MTUS2: variants seen among roughly 807,000 people sequenced by gnomAD.
The protein encoded by MTUS2 is microtubule-associated tumor suppressor candidate 2.
A neutral mutation model predicts 114.1 loss-of-function variants in MTUS2; 40 were observed. The ratio of observed to expected loss-of-function variants is 0.35; its 90% confidence interval spans 0.27 to 0.46. The LOEUF is 0.46. Among genes scored for constraint, MTUS2 ranks in the 20% least tolerant of loss-of-function variants. The pLI is 1.00. For missense variants in MTUS2, 1,679 were observed against 1,705.4 expected, an observed-to-expected ratio of 0.98 and a Z score of 0.27; for synonymous variants, 688 against 672.0, an observed-to-expected ratio of 1.02 and a Z score of -0.37.
chr13:28,995,817 A>G (rs1885075241), intron 2 of MTUS2, among the ~76,000 whole-genome samples: 1 of 152,218 alleles, frequency 6.6e-6, no homozygotes, highest in African/African-American at 2.4e-5. Flanking sequence ...GGCGTTTTCT[A>G]GGTATACAAT....
At chr13:28,942,241 A>T (rs990541840) in intron 2 of MTUS2, among the ~76,000 whole-genome samples, 1 of 152,220 alleles carries the variant, frequency 6.6e-6, no homozygotes, top group African/African-American at 2.4e-5. Flanking sequence ...GCTCAACCTC[A>T]TTAGTCATCA....
At chr13:29,012,763 A>C (rs939379710) in intron 2 of MTUS2, among the ~76,000 whole-genome samples, 1 of 151,930 alleles carries the variant, frequency 6.6e-6, no homozygotes. Context: ...AGTCCCAGCT[A>C]CTCGGGAGGC....
At chr13:29,365,727 G>A (rs7333374) in intron 8 of MTUS2, among the ~76,000 whole-genome samples, 113,726 of 151,968 alleles carry the variant, frequency 0.75, 42,726 homozygotes, top group East Asian at 0.83. Context: ...TGTAGCCAGA[G>A]AGGCCACAGA....
At chr13:28,996,534 T>C (rs1047344745) in intron 2 of MTUS2, among the ~76,000 whole-genome samples, 1 of 152,112 alleles carries the variant, frequency 6.6e-6, no homozygotes, top group Non-Finnish European at 1.5e-5. Flanking sequence ...GTCCTGGACT[T>C]TTTTTGGTTG....
At chr13:29,161,680 T>G (rs1276910955) in intron 5 of MTUS2, among the ~76,000 whole-genome samples, 1 of 152,236 alleles carries the variant, frequency 6.6e-6, no homozygotes, top group African/African-American at 2.4e-5. Context: ...TAATTCACTT[T>G]AATTAGGATT....
intron 5 of MTUS2, among the ~76,000 whole-genome samples, chr13:29,144,614 T>A (rs1892356654): frequency 6.6e-6 from 1 of 152,160 alleles, no homozygotes; most frequent in Non-Finnish European, 1.5e-5. Context: ...GTTTTTTGCT[T>A]GCTGTCATCT....
chr13:29,461,256 C>T (rs1879471901), intron 9 of MTUS2, among the ~76,000 whole-genome samples: 1 of 152,154 alleles, frequency 6.6e-6, no homozygotes, highest in Non-Finnish European at 1.5e-5. Flanking sequence ...TGATAACCCT[C>T]TCCCATGATA....
chr13:29,387,648 AAAGT>A (rs1872718216), intron 8 of MTUS2, among the ~76,000 whole-genome samples: 1 of 152,190 alleles, frequency 6.6e-6, no homozygotes, highest in South Asian at 2.1e-4. Context: ...GTCCTGGACA[AAAGT>A]AAGCAGGAGC....
intron 5 of MTUS2, among the ~76,000 whole-genome samples, chr13:29,156,280 ATAAG>A (rs1187754958): frequency 1.3e-5 from 2 of 152,200 alleles, no homozygotes; most frequent in Non-Finnish European, 2.9e-5. Flanking sequence ...TTTCAAAAGA[ATAAG>A]TCACAGTTGA....
At chr13:29,382,666 C>G (rs142925793) in intron 8 of MTUS2, among the ~76,000 whole-genome samples, 111 of 152,256 alleles carry the variant, frequency 7.3e-4, no homozygotes, top group African/African-American at 2.5e-3. Flanking sequence ...CACATCTTGT[C>G]AACATTTGCT....
At position 29,281,316 on chromosome 13, in the gene MTUS2, G is replaced by A. The variant is rs991752503; in HGVS notation, c.2645-388G>A. On this transcript the variant is annotated intron_variant, in intron 5 of 15. Coordinates refer to ENST00000612955, the MANE Select transcript of MTUS2 (RefSeq NM_001033602.4). ...CTCACGCTGTATTTCAAAAATAAAA[G>A]GCTCTTCATTCTGAGTTATCAAATA... Among the ~76,000 whole-genome samples, 10 of 151,950 alleles carry A rather than the reference G, an allele frequency of 6.6e-5. 1 individual carries two copies. Among genetic ancestry groups the A allele is most frequent in the Admixed American group, 5.9e-4 (9 of 15,246 alleles).
chr13:29,443,101 G>A lies in MTUS2; in HGVS notation c.3184+3052G>A, dbSNP rs149527010. On this transcript the variant is annotated intron_variant, in intron 9 of 15. Transcript: ENST00000612955. The stretch of plus-strand genomic sequence containing the variant: ...CATGGGCTTTAGGTTCAGGTGGGGC[G>A]AGCTGGTAGACCTCTCTGTCCCACA... 3.2e-3 allele frequency among the ~76,000 whole-genome samples: 487 copies of A among 152,286 alleles called. 8 individuals are homozygous for A. Among genetic ancestry groups the A allele is most frequent in the South Asian group, 0.023 (111 of 4,824 alleles).
At chr13:28,939,631 C>A (rs1206949922) in intron 2 of MTUS2, among the ~76,000 whole-genome samples, 2 of 151,906 alleles carry the variant, frequency 1.3e-5, no homozygotes, top group East Asian at 3.9e-4. Flanking sequence ...TTTGCTATTG[C>A]AATTTTTCCA....
At chr13:28,825,198 G>T (rs115259789) in intron 1 of MTUS2, among the ~76,000 whole-genome samples, 199 of 152,240 alleles carry the variant, frequency 1.3e-3, no homozygotes, top group African/African-American at 4.5e-3. Flanking sequence ...TCAGGGCATC[G>T]GAATCCAGCC....
At chr13:29,333,426 A>T (rs1190228052) in intron 7 of MTUS2, among the ~76,000 whole-genome samples, 1 of 151,440 alleles carries the variant, frequency 6.6e-6, no homozygotes, top group Non-Finnish European at 1.5e-5. Context: ...CTAACACCCT[A>T]CCTCAGGTGA....
intron 2 of MTUS2, among the ~76,000 whole-genome samples, chr13:28,862,080 C>T (rs1002422477): frequency 6.6e-6 from 1 of 152,106 alleles, no homozygotes; most frequent in African/African-American, 2.4e-5. Context: ...TGTGTATACC[C>T]CTTGTCTATA....
At chr13:29,195,379 A>G (rs1295905172) in intron 5 of MTUS2, among the ~76,000 whole-genome samples, 1 of 151,946 alleles carries the variant, frequency 6.6e-6, no homozygotes, top group Admixed American at 6.6e-5. Flanking sequence ...TAATTTTAAC[A>G]TTTTGGTATA....
At chr13:29,007,492 T>C (rs928159392) in intron 2 of MTUS2, among the ~76,000 whole-genome samples, 12 of 152,238 alleles carry the variant, frequency 7.9e-5, no homozygotes, top group Admixed American at 7.9e-4. Context: ...AACATATCCC[T>C]TTCTTCAGAC....
At position 29,026,522 on chromosome 13, in the gene MTUS2, A is replaced by G; in HGVS notation, c.1824A>G (p.Thr608=). 1 of 1,613,850 alleles carries G rather than the reference A, an allele frequency of 6.2e-7. No homozygotes were observed. The highest frequency in any genetic ancestry group is 1.3e-5 in the African/African-American group (1 of 74,994). ...CTGTCTTCACACATTCCAAGGACAC[A>G]CCTTCCTCGCAGGAGGGAATGGAGA... The part of the protein sequence containing the change: ...PKPVFTHSKD[T]PSSQEGMENY... The change falls in exon 3 of 16, where the codon ACA becomes ACG. Residue 608 remains threonine, a synonymous_variant. Transcript: ENST00000612955.
Sources: gnomAD v4.1 joint callset for allele counts (sites outside exome capture counted in the v4.1 genomes callset) on GRCh38, gnomAD v4.1.1 for gene constraint, MANE v1.5 for transcripts, NCBI Gene and HGNC (gene_info 2026-07-23, HGNC 2026-07-21) for gene names.